The following NUAK1 variants were observed in gnomAD, a reference collection of about 807,000 sequenced individuals.
NUAK1 encodes the protein NUAK family SNF1-like kinase 1.
NUAK1 carries 26 observed loss-of-function variants against 56.9 expected under a neutral mutation model. The ratio of observed to expected loss-of-function variants is 0.46; its 90% CI spans 0.33 to 0.63. The LOEUF is 0.63. Among genes scored for constraint, NUAK1 ranks in the 30% least tolerant of loss-of-function variants. The pLI is 0.02. For synonymous variants in NUAK1, 337 were observed against 336.0 expected (o/e 1.00, Z -0.03); for missense variants, 727 against 876.1 (o/e 0.83, Z 2.15).
intron 3 of NUAK1, among the ~76,000 whole-genome samples, chr12:106,085,486 A>G (rs1024290038): frequency 6.6e-6 from 1 of 152,226 alleles, no homozygotes; most frequent in Admixed American, 6.5e-5. Flanking sequence ...TATATGAAGA[A>G]GTTGACTCTG....
In NUAK1 at chr12:106,097,195, G is replaced by A. The variant is rs1186279361; in HGVS notation, c.361+9210C>T. On this transcript the variant is annotated intron_variant, in intron 2 of 6. Transcript: ENST00000261402. ...ATAGACAAGGAAACAGCCTCAGAGAGCTTAGTCACTAGCCCAAGGTCACAC... is the reference window on the plus strand; with the variant it reads ...ATAGACAAGGAAACAGCCTCAGAGAACTTAGTCACTAGCCCAAGGTCACAC... Among the ~76,000 whole-genome samples the A allele has an allele frequency of 2.0e-5, 3 of 152,326 alleles. No homozygotes were observed. In the East Asian group the frequency reaches 5.8e-4, roughly 29 times the overall value.
chr12:106,071,030 C>T, intron 5 of NUAK1, 124 bp from the exon 6 acceptor site: 1 of 989,938 alleles, frequency 1.0e-6, no homozygotes, highest in Non-Finnish European at 1.5e-6. Context: ...AATTTAGCAC[C>T]TGGAAGATAG....
chr12:106,126,993 G>A (rs1442337975), intron 1 of NUAK1, among the ~76,000 whole-genome samples: 3 of 152,132 alleles, frequency 2.0e-5, no homozygotes, highest in Non-Finnish European at 4.4e-5. Flanking sequence ...ACCCTCCTCT[G>A]AATCACAAAT....
In NUAK1 at chr12:106,065,709, C is replaced by G. The variant is rs2032329717; in HGVS notation, c.*1093G>C. ...GCCAATGGTTCAGCCAGGTAATCCT[C>G]TGGAGAATATGGACAGTATCACGTC... On this transcript the variant is annotated 3_prime_UTR_variant, in exon 7 of 7. Coordinates refer to ENST00000261402, the MANE Select transcript of NUAK1 (RefSeq NM_014840.3). 6.6e-6 allele frequency: 1 copy of G among 152,660 alleles called. No individual in the cohort carries two copies. The highest frequency in any genetic ancestry group is 6.5e-5 in the Admixed American group (1 of 15,290). 9.5% of individuals were successfully genotyped at this position (152,660 alleles called of 1,614,324 possible).
intron 1 of NUAK1, among the ~76,000 whole-genome samples, chr12:106,112,583 C>A (rs983307487): frequency 2.0e-5 from 3 of 152,192 alleles, no homozygotes; most frequent in Non-Finnish European, 2.9e-5. Flanking sequence ...ATGGAGGGGC[C>A]TGGCCAACTC....
intron 1 of NUAK1, among the ~76,000 whole-genome samples, chr12:106,121,696 G>A (rs956665638): frequency 1.3e-5 from 2 of 152,032 alleles, no homozygotes; most frequent in Non-Finnish European, 2.9e-5. Context: ...GTTACAGTGT[G>A]CCGAGACTGT....
At chr12:106,089,532 C>A (rs1236445392) in intron 2 of NUAK1, among the ~76,000 whole-genome samples, 4 of 152,238 alleles carry the variant, frequency 2.6e-5, no homozygotes, top group Non-Finnish European at 5.9e-5. Flanking sequence ...TGGCTCACGC[C>A]TGTAATCCCA....
At chr12:106,074,636 ATCAT>A (rs755862039) in intron 4 of NUAK1, among the ~76,000 whole-genome samples, 12 of 152,088 alleles carry the variant, frequency 7.9e-5, no homozygotes, top group Non-Finnish European at 1.6e-4. Flanking sequence ...GTAGGTTTCC[ATCAT>A]TCTCCAAGCT....
Position 106,067,994 on chromosome 12 carries a change from G to A in NUAK1, c.833-39C>T. ...GACAAAAAGAATCGGGCATTATGTG[G>A]GAGCTTCTGGCTTTGTGATAGTGGG... On this transcript the variant is annotated intron_variant, in intron 6 of 6. Transcript: ENST00000261402. This position sits in a 1 kb window ranked among gnomAD's most constrained non-coding sequence, Gnocchi z 6.0. 1 of 1,556,470 alleles carries A rather than the reference G, an allele frequency of 6.4e-7. No individual in the cohort carries two copies. Among genetic ancestry groups the A allele is most frequent in the Non-Finnish European group, 8.7e-7 (1 of 1,149,522 alleles).
At chr12:106,085,792 A>G (rs2032564332) in intron 3 of NUAK1, among the ~76,000 whole-genome samples, 1 of 152,140 alleles carries the variant, frequency 6.6e-6, no homozygotes, top group Non-Finnish European at 1.5e-5. Flanking sequence ...CTACAGCCCC[A>G]AACTGCTGTG....
intron 3 of NUAK1, among the ~76,000 whole-genome samples, chr12:106,085,463 T>A (rs1056554420): frequency 3.9e-5 from 6 of 152,204 alleles, no homozygotes; most frequent in African/African-American, 1.4e-4. Context: ...GGAGGCCCCA[T>A]GTTGAGATCA....
At chr12:106,122,460 T>C (rs2032987163) in intron 1 of NUAK1, among the ~76,000 whole-genome samples, 1 of 152,200 alleles carries the variant, frequency 6.6e-6, no homozygotes, top group South Asian at 2.1e-4. Flanking sequence ...TGGGGATGAA[T>C]TCAGGTCAGT....
intron 2 of NUAK1, among the ~76,000 whole-genome samples, chr12:106,098,661 C>T (rs538605652): frequency 4.6e-5 from 7 of 152,070 alleles, no homozygotes; most frequent in African/African-American, 7.2e-5. Context: ...AGTCACAGGC[C>T]GAATCTCCCC....
intron 1 of NUAK1, among the ~76,000 whole-genome samples, chr12:106,106,782 T>C (rs907598828): frequency 2.0e-5 from 3 of 152,240 alleles, no homozygotes; most frequent in African/African-American, 7.2e-5. Flanking sequence ...TGTTTTGTTT[T>C]TGTTTTTTCA....
rs1565918301 is a variant in NUAK1, at chr12:106,071,007, G to GCAC, written c.700-102_700-101insGTG. ...AGCCTGTGAGCAGCCACCCCCAGCA[G>GCAC]CCCCAGGAACTGAATTTAGCACCTG... On this transcript the variant is annotated intron_variant, in intron 5 of 6. Transcript: ENST00000261402. 4.1e-5 allele frequency: 53 copies of GCAC among 1,282,316 alleles called. No homozygotes were observed. The African/African-American group carries it at 7.3e-4, about 18-fold the overall frequency. 79.4% of individuals were successfully genotyped at this position (1,282,316 alleles called of 1,614,324 possible).
intron 4 of NUAK1, 150 bp downstream of exon 4, chr12:106,083,714 T>A: frequency 1.5e-6 from 1 of 664,956 alleles, no homozygotes; most frequent in East Asian, 2.5e-5. Context: ...TGAACTGGAC[T>A]TGGAGCTCAA....
At chr12:106,134,629 T>C (rs1018995146) in intron 1 of NUAK1, among the ~76,000 whole-genome samples, 1 of 152,192 alleles carries the variant, frequency 6.6e-6, no homozygotes, top group African/African-American at 2.4e-5. Flanking sequence ...ATCGAGGTGA[T>C]CACAGGACAT....
At chr12:106,126,655 T>C (rs1030072285) in intron 1 of NUAK1, among the ~76,000 whole-genome samples, 2 of 152,220 alleles carry the variant, frequency 1.3e-5, no homozygotes, top group Non-Finnish European at 2.9e-5. Flanking sequence ...AGTAAACATA[T>C]GAGTCAATTC....
intron 6 of NUAK1, among the ~76,000 whole-genome samples, chr12:106,069,099 A>G (rs2032377221): frequency 6.6e-6 from 1 of 152,230 alleles, no homozygotes; most frequent in Non-Finnish European, 1.5e-5. Flanking sequence ...ATATCTATAT[A>G]TACACATACA....
Sources: gnomAD v4.1 joint callset for allele counts (sites outside exome capture counted in the v4.1 genomes callset) on GRCh38, gnomAD v4.1.1 for gene constraint, Gnocchi (gnomAD v3.1) non-coding constraint, MANE v1.5 for transcripts, NCBI Gene and HGNC (gene_info 2026-07-23, HGNC 2026-07-21) for gene names.